Variants in TBC1D22A observed in about 807,000 individuals in gnomAD.
TBC1D22A encodes the protein putative GTPase activator.
TBC1D22A carries 38 observed loss-of-function variants against 60.2 expected under a neutral mutation model. That is an observed-to-expected ratio of 0.63 (90% CI 0.49 to 0.83). The LOEUF is 0.83. Among genes scored for constraint, TBC1D22A ranks in the 40% least tolerant of loss-of-function variants. TBC1D22A has a pLI of 0.00. For synonymous variants in TBC1D22A, 302 were observed against 281.7 expected, an observed-to-expected ratio of 1.07 and a Z score of -0.72; for missense variants, 628 against 701.0, an observed-to-expected ratio of 0.90 and a Z score of 1.18.
At chr22:47,167,459 A>T (rs763286776) in intron 12 of TBC1D22A, among the ~76,000 whole-genome samples, 13 of 152,150 alleles carry the variant, frequency 8.5e-5, no homozygotes, top group Non-Finnish European at 1.8e-4. Context: ...GGCAAGTGGG[A>T]GGGAGGGTTA....
chr22:47,156,466 C>T (rs1331064193), intron 12 of TBC1D22A, among the ~76,000 whole-genome samples: 1 of 152,188 alleles, frequency 6.6e-6, no homozygotes, highest in Non-Finnish European at 1.5e-5. Flanking sequence ...TCTTGAGCGG[C>T]CGTCTCCTCC....
At chr22:47,154,348 G>A (rs1313628531) in intron 12 of TBC1D22A, among the ~76,000 whole-genome samples, 8 of 152,218 alleles carry the variant, frequency 5.3e-5, no homozygotes, top group Admixed American at 3.9e-4. Context: ...GCTCTGTGTC[G>A]TGACGTTTGG....
intron 4 of TBC1D22A, among the ~76,000 whole-genome samples, chr22:46,824,791 G>A (rs1378089824): frequency 1.3e-5 from 2 of 151,858 alleles, no homozygotes; most frequent in Non-Finnish European, 2.9e-5. Context: ...AGGGAAGGAG[G>A]GCCATCAGGA....
chr22:46,949,216 G>A (rs111841571), intron 8 of TBC1D22A, among the ~76,000 whole-genome samples: 93 of 152,314 alleles, frequency 6.1e-4, no homozygotes, highest in African/African-American at 2.2e-3. Context: ...GCAACATCAA[G>A]GTCCACCCGA....
At chr22:46,921,434 G>C (rs2070753459) in intron 8 of TBC1D22A, among the ~76,000 whole-genome samples, 1 of 152,126 alleles carries the variant, frequency 6.6e-6, no homozygotes, top group Non-Finnish European at 1.5e-5. Flanking sequence ...CTTTTTTATA[G>C]CTGAATAGTA....
chr22:46,926,885 A>G (rs993073083), intron 8 of TBC1D22A, among the ~76,000 whole-genome samples: 1 of 152,230 alleles, frequency 6.6e-6, no homozygotes, highest in African/African-American at 2.4e-5. Context: ...AAAATTAACA[A>G]TGAACTAATT....
chr22:47,045,956 G>A (rs974246604), intron 11 of TBC1D22A, among the ~76,000 whole-genome samples: 3 of 152,234 alleles, frequency 2.0e-5, no homozygotes, highest in Non-Finnish European at 2.9e-5. Flanking sequence ...GGAGGCTAGT[G>A]AAGAAAGCAG....
At chr22:46,824,322 A>G (rs1217109228) in intron 4 of TBC1D22A, among the ~76,000 whole-genome samples, 1 of 152,076 alleles carries the variant, frequency 6.6e-6, no homozygotes, top group African/African-American at 2.4e-5. Context: ...GTGACAGTGA[A>G]GCGTAGACCC....
At chr22:46,966,795 A>G (rs2073825474) in intron 8 of TBC1D22A, among the ~76,000 whole-genome samples, 1 of 152,234 alleles carries the variant, frequency 6.6e-6, no homozygotes, top group Non-Finnish European at 1.5e-5. Flanking sequence ...GCTGCTTCAC[A>G]GACACTGTCC....
chr22:46,880,744 A>C (rs920974507), intron 5 of TBC1D22A, among the ~76,000 whole-genome samples: 7 of 152,072 alleles, frequency 4.6e-5, no homozygotes, highest in Middle Eastern at 3.2e-3. Flanking sequence ...AGGGGACTTC[A>C]CACCTGGGAT....
chr22:47,129,490 AAAAC>A (rs1195452157), intron 12 of TBC1D22A, among the ~76,000 whole-genome samples: 3 of 152,348 alleles, frequency 2.0e-5, no homozygotes, highest in African/African-American at 7.2e-5. Context: ...AACAAACAAA[AAAAC>A]AAAAAACCGT....
chr22:47,145,619 G>C lies in TBC1D22A; in HGVS notation c.1426-27879G>C, dbSNP rs138506365. Among the ~76,000 whole-genome samples the C allele has an allele frequency of 3.8e-4, 58 of 152,376 alleles. 2 individuals carry two copies. In the East Asian group the frequency reaches 0.011, roughly 29 times the overall value. ...GGCTGTCCTGGAGGCATGCTAGGCA[G>C]TTCGTTAGGAGAGGTATTCTTGTTT... is the stretch of plus-strand genomic sequence containing the variant. On this transcript the variant is annotated intron_variant, in intron 12 of 12. Transcript: ENST00000337137.
Position 47,062,015 on chromosome 22 carries a change from G to A in TBC1D22A, c.1329+24817G>A, listed in dbSNP as rs112595721. 3.5e-3 allele frequency among the ~76,000 whole-genome samples: 518 copies of A among 146,962 alleles called. 8 individuals carry two copies. The highest frequency in any genetic ancestry group is 0.013 in the African/African-American group (504 of 39,884). On this transcript the variant is annotated intron_variant, in intron 11 of 12. Transcript: ENST00000337137. The stretch of plus-strand genomic sequence containing the variant: ...AGGCAGGAGGATTGCTTGAACCTGG[G>A]AGGCAGAGGTTGCAGTGAGCCCAGA...
At chr22:47,141,190 C>T (rs542960864) in intron 12 of TBC1D22A, among the ~76,000 whole-genome samples, 6 of 152,172 alleles carry the variant, frequency 3.9e-5, no homozygotes, top group South Asian at 2.1e-4. Flanking sequence ...CTTACTGTCA[C>T]GGGGACAGCC....
In TBC1D22A at chr22:46,826,022, G is replaced by A. The variant is rs544988155; in HGVS notation, c.637+28402G>A. On this transcript the variant is annotated intron_variant, in intron 4 of 12. Transcript: ENST00000337137. Reference sequence around the variant, plus strand: ...CTCAGCCTCCCGAGTAGCTGGGACTGCAGGTGCCCACCACCACGCCTGGCT... The same window carrying A: ...CTCAGCCTCCCGAGTAGCTGGGACTACAGGTGCCCACCACCACGCCTGGCT... 3.1e-4 allele frequency among the ~76,000 whole-genome samples: 47 copies of A among 151,464 alleles called. No individual in the cohort carries two copies. The South Asian group carries it at 5.0e-3, about 16-fold the overall frequency.
rs2061685416 is a variant in TBC1D22A at position 47,009,396 on chromosome 22, T to A, written c.1201+11687T>A. On this transcript the variant is annotated intron_variant, in intron 10 of 12. Coordinates refer to ENST00000337137, the MANE Select transcript of TBC1D22A (RefSeq NM_014346.5). The surrounding 1 kb of genome is among the most constrained non-coding windows in gnomAD (Gnocchi z 5.8). The stretch of plus-strand genomic sequence containing the variant: ...CATCATTTCATCACCATCACCATCA[T>A]TTCCATCATCACCATCATTGTGTCA... Among the ~76,000 whole-genome samples, 1 of 149,486 alleles carries A rather than the reference T, an allele frequency of 6.7e-6. No individual in the cohort carries two copies. The highest frequency in any genetic ancestry group is 6.6e-5 in the Admixed American group (1 of 15,044).
At chr22:46,933,941 G>A (rs1192749480) in intron 8 of TBC1D22A, among the ~76,000 whole-genome samples, 1 of 152,230 alleles carries the variant, frequency 6.6e-6, no homozygotes, top group East Asian at 1.9e-4. Flanking sequence ...GGTCTCCAGC[G>A]TTTAGCCTTT....
At chr22:47,043,078 G>T (rs1377604347) in intron 11 of TBC1D22A, among the ~76,000 whole-genome samples, 4 of 152,372 alleles carry the variant, frequency 2.6e-5, no homozygotes, top group East Asian at 1.9e-4. Context: ...CAACGGGAAA[G>T]GTGGGCCTGC....
At chr22:46,971,722 G>A (rs1038509019) in intron 8 of TBC1D22A, among the ~76,000 whole-genome samples, 2 of 152,222 alleles carry the variant, frequency 1.3e-5, no homozygotes, top group South Asian at 2.1e-4. Context: ...TGATCAGCGC[G>A]TGGAGGCTTA....
Sources: allele counts gnomAD v4.1 joint callset (sites outside exome capture counted in the v4.1 genomes callset), GRCh38; gene constraint gnomAD v4.1.1; non-coding constraint Gnocchi (gnomAD v3.1); transcripts MANE v1.5; gene names NCBI Gene and HGNC (gene_info 2026-07-23, HGNC 2026-07-21).